The following BMPR2 variants were observed in gnomAD, a reference collection of about 807,000 sequenced individuals.
BMPR2 encodes bone morphogenetic protein receptor type-2.
A neutral mutation model predicts 100.8 loss-of-function variants in BMPR2; 29 were observed. The observed-to-expected ratio is 0.29, with a 90% CI of 0.21 to 0.39. The LOEUF (loss-of-function observed/expected upper bound fraction) is 0.39, where lower values mean the gene tolerates loss of function less well. Among genes scored for constraint, BMPR2 ranks in the 10% least tolerant of loss-of-function variants. The probability of loss-of-function intolerance (pLI) is 1.00; values close to 1 mark genes in which losing one functional copy is unlikely to be tolerated. For missense variants in BMPR2, 1,011 were observed against 1,274.5 expected, an observed-to-expected ratio of 0.79 and a Z score of 3.15; for synonymous variants, 382 against 442.3, an observed-to-expected ratio of 0.86 and a Z score of 1.71.
At chr2:202,388,556 G>A (rs1480250513) in intron 1 of BMPR2, among the ~76,000 whole-genome samples, 7 of 151,946 alleles carry the variant, frequency 4.6e-5, no homozygotes, top group South Asian at 2.1e-4. Context: ...AGGCCGAAGC[G>A]GGCAGATCAC....
chr2:202,485,060 C>T lies in BMPR2; in HGVS notation c.418+17371C>T, dbSNP rs191171028. Reference sequence around the variant, plus strand: ...CAGGCTTGTTTCGAACTCCTGGGCTCAAGCAATCCTCCCGACTCGGCCTCC... The same window carrying T: ...CAGGCTTGTTTCGAACTCCTGGGCTTAAGCAATCCTCCCGACTCGGCCTCC... On this transcript the variant is annotated intron_variant, in intron 3 of 12. Transcript: ENST00000374580. 8.6e-3 allele frequency among the ~76,000 whole-genome samples: 1,300 copies of T among 151,680 alleles called. 9 individuals carry two copies. The highest frequency in any genetic ancestry group is 0.015 in the South Asian group (70 of 4,766).
At chr2:202,542,534 G>T in intron 10 of BMPR2, 87 bp downstream of exon 10, 1 of 1,483,526 alleles carries the variant, frequency 6.7e-7, no homozygotes, top group Non-Finnish European at 9.2e-7. Flanking sequence ...TGTTAATAAC[G>T]TTAATAGTTT....
intron 1 of BMPR2, among the ~76,000 whole-genome samples, chr2:202,398,103 T>C (rs1453621489): frequency 6.9e-6 from 1 of 145,800 alleles, no homozygotes; most frequent in Admixed American, 6.9e-5. Context: ...AGCAAGACCC[T>C]GTCTCAAAAA....
intron 1 of BMPR2, among the ~76,000 whole-genome samples, chr2:202,451,843 A>T (rs1009254575): frequency 4.6e-5 from 7 of 152,020 alleles, no homozygotes; most frequent in African/African-American, 1.7e-4. Flanking sequence ...ACCATCTCCC[A>T]GGTTCAAGCG....
At chr2:202,463,922 G>A (rs907809550) in intron 1 of BMPR2, among the ~76,000 whole-genome samples, 6 of 151,966 alleles carry the variant, frequency 3.9e-5, no homozygotes, top group African/African-American at 1.4e-4. Flanking sequence ...CACTTTTGGA[G>A]GCCTAGTTGG....
chr2:202,497,040 G>T (rs949253652), intron 3 of BMPR2, among the ~76,000 whole-genome samples: 1 of 152,252 alleles, frequency 6.6e-6, no homozygotes, highest in Non-Finnish European at 1.5e-5. Context: ...GGCAATGAGG[G>T]GCTTAGCACC....
intron 1 of BMPR2, among the ~76,000 whole-genome samples, chr2:202,378,873 C>A (rs539961766): frequency 6.6e-6 from 1 of 152,094 alleles, no homozygotes; most frequent in African/African-American, 2.4e-5. Context: ...AGGCCTTAAA[C>A]GTTCCATGAG....
At chr2:202,451,992 G>C (rs1476170730) in intron 1 of BMPR2, among the ~76,000 whole-genome samples, 1 of 152,072 alleles carries the variant, frequency 6.6e-6, no homozygotes, top group Non-Finnish European at 1.5e-5. Context: ...GACCTTAGGT[G>C]ATCCGCCTGC....
intron 1 of BMPR2, among the ~76,000 whole-genome samples, chr2:202,437,882 T>C (rs1691647284): frequency 6.7e-6 from 1 of 150,372 alleles, no homozygotes; most frequent in African/African-American, 2.5e-5. Flanking sequence ...GGACATGCGG[T>C]TGTTTCCACT....
intron 12 of BMPR2, among the ~76,000 whole-genome samples, chr2:202,556,778 C>T (rs1254911050): frequency 1.3e-5 from 2 of 151,880 alleles, no homozygotes; most frequent in African/African-American, 4.8e-5. Context: ...GAAACCCCAT[C>T]TCTACTAAAA....
Position 202,555,619 on chromosome 2 carries a change from ACCCCTGTCTGCTTACAGCTG to A in BMPR2, c.1955_1974del (p.Thr652AsnfsTer16). The A allele has an allele frequency of 6.2e-7, 1 of 1,614,092 alleles. No individual in the cohort carries two copies. The highest frequency in any genetic ancestry group is 8.5e-7 in the Non-Finnish European group (1 of 1,180,032). On this transcript the variant is annotated frameshift_variant, in exon 12 of 13. Coordinates refer to ENST00000374580, the MANE Select transcript of BMPR2 (RefSeq NM_001204.7). LOFTEE classifies it high-confidence loss of function. ...AAATGTTGCACAGTCAATTGGGCCA[ACCCCTGTCTGCTTACAGCTG>A]ACAGAAGAAGACTTGGAAACCAACA...
intron 1 of BMPR2, among the ~76,000 whole-genome samples, chr2:202,441,604 A>G (rs7424404): frequency 0.48 from 70,569 of 145,632 alleles, 18,258 homozygotes; most frequent in African/African-American, 0.55. Flanking sequence ...TGTAGTCCCA[A>G]CTACTCAAGA....
chr2:202,490,818 C>T (rs1487616324), intron 3 of BMPR2, among the ~76,000 whole-genome samples: 1 of 152,246 alleles, frequency 6.6e-6, no homozygotes, highest in Non-Finnish European at 1.5e-5. Flanking sequence ...TTAATCTAAA[C>T]TCCCCTTAGG....
intron 12 of BMPR2, among the ~76,000 whole-genome samples, chr2:202,557,464 A>AACAC (rs138065331): frequency 0.049 from 6,184 of 125,304 alleles, 192 homozygotes; most frequent in African/African-American, 0.087. Flanking sequence ...CTCTGTCTCA[A>AACAC]ACACACACAC....
Position 202,434,914 on chromosome 2 carries a change from T to A in BMPR2, c.77-29895T>A, listed in dbSNP as rs1261120576. Among the ~76,000 whole-genome samples the A allele has an allele frequency of 4.3e-3, 251 of 58,446 alleles. 6 individuals are homozygous for A. The highest frequency in any genetic ancestry group is 6.6e-3 in the Non-Finnish European group (213 of 32,266). 38.3% of individuals were successfully genotyped at this position (58,446 alleles called of 152,430 possible). A position where few individuals can be genotyped will look rare whatever the true frequency, so the allele number is the denominator to read the frequency against. ...AAAAAAAAAAAAAAAAAAAAATATA[T>A]ATATATATATATATATATATATTTA... is the stretch of plus-strand genomic sequence containing the variant. On this transcript the variant is annotated intron_variant, in intron 1 of 12. Coordinates refer to ENST00000374580, the MANE Select transcript of BMPR2 (RefSeq NM_001204.7).
At chr2:202,431,322 G>A (rs533153066) in intron 1 of BMPR2, among the ~76,000 whole-genome samples, 4 of 150,750 alleles carry the variant, frequency 2.7e-5, no homozygotes, top group South Asian at 4.1e-4. Context: ...AAGGTATTCT[G>A]TTGCTGTTGA....
intron 3 of BMPR2, among the ~76,000 whole-genome samples, chr2:202,485,456 C>T (rs1195299496): frequency 6.6e-6 from 1 of 151,400 alleles, no homozygotes; most frequent in Non-Finnish European, 1.5e-5. Context: ...ATTGGTGTTC[C>T]TCGGTTTGTA....
In BMPR2 at chr2:202,376,358, G is replaced by A. The variant is rs1175549370; in HGVS notation, c.-1117G>A. ...CCCCTTTGTGTCTGGTCTGCTCGGA[G>A]CCACTGGAAGTGCCTCCCGGAGGGA... On this transcript the variant is annotated 5_prime_UTR_variant, in exon 1 of 13. Coordinates refer to ENST00000374580, the MANE Select transcript of BMPR2 (RefSeq NM_001204.7). Among the ~76,000 whole-genome samples, 2 of 148,554 alleles carry A rather than the reference G, an allele frequency of 1.3e-5. No homozygotes were observed. Among genetic ancestry groups the A allele is most frequent in the African/African-American group, 5.0e-5 (2 of 40,374 alleles).
At chr2:202,430,927 C>G (rs908973954) in intron 1 of BMPR2, among the ~76,000 whole-genome samples, 1 of 149,438 alleles carries the variant, frequency 6.7e-6, no homozygotes, top group Non-Finnish European at 1.5e-5. Flanking sequence ...CCATTGCACT[C>G]CAGTCTGGGC....
Sources: gnomAD v4.1 joint callset for allele counts (sites outside exome capture counted in the v4.1 genomes callset) on GRCh38, gnomAD v4.1.1 for gene constraint, MANE v1.5 for transcripts, NCBI Gene and HGNC (gene_info 2026-07-23, HGNC 2026-07-21) for gene names.